Variants in SLC22A9 observed in about 807,000 individuals in gnomAD.
SLC22A9 encodes the protein solute carrier family 22 member 9.
SLC22A9 carries 64 observed loss-of-function variants against 50.1 expected under a neutral mutation model. That is an observed-to-expected ratio of 1.28 (90% confidence interval 1.04 to 1.57). The LOEUF is 1.57. Among genes scored for constraint, SLC22A9 ranks in the 40% most tolerant of loss-of-function variants. SLC22A9 has a pLI of 0.00. For missense variants in SLC22A9, 757 were observed against 676.1 expected (o/e 1.12, Z -1.33); for synonymous variants, 261 against 242.5 (o/e 1.08, Z -0.71).
chr11:63,403,235 A>G (rs1413407992), intron 6 of SLC22A9, among the ~76,000 whole-genome samples: 1 of 152,242 alleles, frequency 6.6e-6, no homozygotes, highest in Non-Finnish European at 1.5e-5. Flanking sequence ...CTGACTTGTT[A>G]CATACTAAGA....
intron 6 of SLC22A9, among the ~76,000 whole-genome samples, chr11:63,387,242 C>G (rs2014685406): frequency 6.6e-6 from 1 of 151,998 alleles, no homozygotes; most frequent in African/African-American, 2.4e-5. Flanking sequence ...AGAATTTTCC[C>G]AATTTTTTCT....
At chr11:63,377,790 G>T (rs2014489952) in intron 5 of SLC22A9, among the ~76,000 whole-genome samples, 1 of 151,668 alleles carries the variant, frequency 6.6e-6, no homozygotes, top group Admixed American at 6.6e-5. Context: ...CACATTAGAT[G>T]GATAGACTTT....
intron 7 of SLC22A9, 33 bp from the exon 8 acceptor site, chr11:63,408,078 AT>A (rs1348734215): frequency 1.1e-5 from 18 of 1,569,432 alleles, no homozygotes; most frequent in Non-Finnish European, 1.3e-5. Context: ...TTCAGCTCAG[AT>A]TTCCTGAGGC....
intron 6 of SLC22A9, among the ~76,000 whole-genome samples, chr11:63,396,860 G>T (rs2014867628): frequency 6.6e-6 from 1 of 152,066 alleles, no homozygotes; most frequent in South Asian, 2.1e-4. Context: ...CTCCAGGATT[G>T]GTCCCTAGTG....
rs149611562 is a variant in SLC22A9 at position 63,371,239 on chromosome 11, G to A, written c.506+1G>A. On this transcript the variant is annotated splice_donor_variant, in intron 2 of 9. Coordinates refer to ENST00000279178, the MANE Select transcript of SLC22A9 (RefSeq NM_080866.3). LOFTEE classifies it high-confidence loss of function. ...TCCTAGGCGGTCATTTATCAGACAG[G>A]TGAGTGTGTATGGAACACAGCTCTC... The A allele has an allele frequency of 4.1e-5, 66 of 1,608,184 alleles. No homozygotes were observed. Among genetic ancestry groups the A allele is most frequent in the Non-Finnish European group, 5.2e-5 (61 of 1,175,102 alleles).
At chr11:63,394,279 T>C (rs2014813965) in intron 6 of SLC22A9, among the ~76,000 whole-genome samples, 1 of 152,150 alleles carries the variant, frequency 6.6e-6, no homozygotes, top group Non-Finnish European at 1.5e-5. Flanking sequence ...CTTGGTTTTT[T>C]GGTTTTTCTT....
intron 7 of SLC22A9, 51 bp from the exon 8 acceptor site, chr11:63,408,061 T>C: frequency 6.8e-7 from 1 of 1,465,604 alleles, no homozygotes; most frequent in African/African-American, 1.4e-5. Context: ...TTGGGGATGC[T>C]GATTCCTTCA....
chr11:63,403,446 A>C (rs1410355401), intron 6 of SLC22A9, among the ~76,000 whole-genome samples: 1 of 152,068 alleles, frequency 6.6e-6, no homozygotes, highest in Admixed American at 6.6e-5. Context: ...TCAGCACCCC[A>C]CCTCCATTAT....
At chr11:63,403,154 C>G (rs1350279017) in intron 6 of SLC22A9, among the ~76,000 whole-genome samples, 1 of 151,888 alleles carries the variant, frequency 6.6e-6, no homozygotes, top group East Asian at 1.9e-4. Flanking sequence ...AAAAAGAATT[C>G]CATATTAATC....
chr11:63,409,655 T>A, intron 9 of SLC22A9, 147 bp from the exon 10 acceptor site: 1 of 721,856 alleles, frequency 1.4e-6, no homozygotes, highest in Non-Finnish European at 2.3e-6. Flanking sequence ...TCACAAGGTT[T>A]ACTCAATCCC....
At position 63,408,195 on chromosome 11, in the gene SLC22A9, A is replaced by T; in HGVS notation, c.1372A>T (p.Asn458Tyr). The T allele has an allele frequency of 6.2e-7, 1 of 1,613,672 alleles. No homozygotes were observed. The highest frequency in any genetic ancestry group is 8.5e-7 in the Non-Finnish European group (1 of 1,179,712). The change falls in exon 8 of 10, where the codon AAT becomes TAT. Residue 458 changes from asparagine to tyrosine, a missense_variant. By Grantham distance (143) the Asn-to-Tyr change is moderately radical. Coordinates refer to ENST00000279178, the MANE Select transcript of SLC22A9 (RefSeq NM_080866.3). ...CAATACCCTTGCTTTTGCCCATGGA[A>T]ATGAAGTAATTCCCACCATAATCAG... Reference protein sequence around the residue: ...LANTLAFAHGNEVIPTIIRAR... With the variant: ...LANTLAFAHGYEVIPTIIRAR...
intron 6 of SLC22A9, among the ~76,000 whole-genome samples, chr11:63,405,006 C>G (rs1200069822): frequency 6.6e-6 from 1 of 152,048 alleles, no homozygotes; most frequent in Non-Finnish European, 1.5e-5. Flanking sequence ...GTCCCCATGT[C>G]AGATGAGGCA....
chr11:63,409,853 G>C lies in SLC22A9; in HGVS notation c.1653G>C (p.Thr551=). 1 of 1,613,458 alleles carries C rather than the reference G, an allele frequency of 6.2e-7. No homozygotes were observed. Among genetic ancestry groups the C allele is most frequent in the Non-Finnish European group, 8.5e-7 (1 of 1,179,722 alleles). ...AAGAGGATCCGAGAGTGGAAGTGACGCAGTTTTAAGGAATTCCAGGAGCTG... is the reference window on the plus strand; with the variant it reads ...AAGAGGATCCGAGAGTGGAAGTGACCCAGTTTTAAGGAATTCCAGGAGCTG... The part of the protein sequence containing the change: ...PKQEDPRVEV[T]QF Residue 551 remains threonine (T), a synonymous_variant, in exon 10 of 10, where the codon ACG becomes ACC. Transcript: ENST00000279178.
At chr11:63,375,236 G>T (rs2014439844) in intron 4 of SLC22A9, among the ~76,000 whole-genome samples, 1 of 152,156 alleles carries the variant, frequency 6.6e-6, no homozygotes, top group Admixed American at 6.6e-5. Flanking sequence ...GATTCTAGTT[G>T]TATGAGGCCT....
In SLC22A9 at chr11:63,386,838, GTTTTGTTTTGTT is replaced by G. The variant is rs553754966; in HGVS notation, c.1073+4576_1073+4587del. Among the ~76,000 whole-genome samples, 1,348 of 136,878 alleles carry G rather than the reference GTTTTGTTTTGTT, an allele frequency of 9.8e-3. 10 individuals are homozygous for G. Among genetic ancestry groups the G allele is most frequent in the African/African-American group, 0.027 (766 of 27,888 alleles). 89.8% of individuals were successfully genotyped at this position (136,878 alleles called of 152,430 possible). On this transcript the variant is annotated intron_variant, in intron 6 of 9. Transcript: ENST00000279178. ...TTGTTGTTGATGATTTTGTTTTTTT[GTTTTGTTTTGTT>G]TTTTGTTTTGTTTTGTTTTTTGTTT...
At chr11:63,391,398 C>T (rs982814312) in intron 6 of SLC22A9, among the ~76,000 whole-genome samples, 2 of 151,936 alleles carry the variant, frequency 1.3e-5, no homozygotes, top group Admixed American at 1.3e-4. Context: ...GATGATCTGT[C>T]CATTGCAGAA....
In SLC22A9 at chr11:63,370,007, T is replaced by C. The variant is rs748089894; in HGVS notation, c.-50T>C. 7 of 1,560,674 alleles carry C rather than the reference T, an allele frequency of 4.5e-6. No homozygotes were observed. In the African/African-American group the frequency reaches 9.5e-5, roughly 21 times the overall value. On this transcript the variant is annotated 5_prime_UTR_variant, in exon 1 of 10. Transcript: ENST00000279178. ...AAAACATTTTCCCTCTTTGAACCTC[T>C]CTGGATACAGTCATTTTGCCTCTAC... is the stretch of plus-strand genomic sequence containing the variant.
chr11:63,389,962 G>A (rs2014734776), intron 6 of SLC22A9, among the ~76,000 whole-genome samples: 1 of 152,162 alleles, frequency 6.6e-6, no homozygotes, highest in East Asian at 1.9e-4. Flanking sequence ...ATGTTTGCTG[G>A]CCACATAAAT....
chr11:63,381,214 T>G (rs1208100477), intron 5 of SLC22A9, among the ~76,000 whole-genome samples: 5 of 152,230 alleles, frequency 3.3e-5, no homozygotes, highest in Non-Finnish European at 5.9e-5. Context: ...TCCAGTCTTA[T>G]GGGTCTGGGA....
Sources: gnomAD v4.1 joint callset for allele counts (sites outside exome capture counted in the v4.1 genomes callset) on GRCh38, gnomAD v4.1.1 for gene constraint, MANE v1.5 for transcripts, NCBI Gene and HGNC (gene_info 2026-07-23, HGNC 2026-07-21) for gene names.